The following FOXP2 variants were observed in gnomAD, a reference collection of about 807,000 sequenced individuals.
FOXP2 encodes the protein forkhead box protein P2.
A neutral mutation model predicts 115.8 loss-of-function variants in FOXP2; 12 were observed. The ratio of observed to expected loss-of-function variants is 0.10; its 90% CI spans 0.07 to 0.17. FOXP2 has a LOEUF of 0.17. Among genes scored for constraint, FOXP2 ranks in the 10% least tolerant of loss-of-function variants. The pLI, the probability that FOXP2 is intolerant of heterozygous loss-of-function variation, is 1.00. For synonymous variants in FOXP2, 328 were observed against 297.7 expected (o/e 1.10, Z -1.05); for missense variants, 629 against 843.5 (o/e 0.75, Z 3.15).
chr7:114,623,851 C>G (rs1051796512), intron 3 of FOXP2, among the ~76,000 whole-genome samples: 1 of 151,816 alleles, frequency 6.6e-6, no homozygotes, highest in Non-Finnish European at 1.5e-5. Context: ...TATATTATTT[C>G]TGTTGTTCCT....
chr7:114,553,382 T>G (rs1328899898), intron 3 of FOXP2, among the ~76,000 whole-genome samples: 1 of 152,186 alleles, frequency 6.6e-6, no homozygotes, highest in Non-Finnish European at 1.5e-5. Context: ...CTTGTAAAAA[T>G]AAAATTCTGA....
At chr7:114,587,354 C>T (rs938052386) in intron 3 of FOXP2, among the ~76,000 whole-genome samples, 1 of 151,954 alleles carries the variant, frequency 6.6e-6, no homozygotes, top group African/African-American at 2.4e-5. Context: ...TGTGTTCATG[C>T]GATGTTTGGT....
intron 1 of FOXP2, among the ~76,000 whole-genome samples, chr7:114,095,454 G>A (rs564138889): frequency 6.6e-6 from 1 of 151,590 alleles, no homozygotes; most frequent in Non-Finnish European, 1.5e-5. Context: ...ATTTTTAAAG[G>A]GTTTTTTTTT....
At chr7:114,477,506 G>A (rs1796330805) in intron 2 of FOXP2, among the ~76,000 whole-genome samples, 2 of 151,976 alleles carry the variant, frequency 1.3e-5, no homozygotes, top group Middle Eastern at 3.4e-3. Context: ...AGAAGGGAGG[G>A]AAGTGGGTGT....
intron 3 of FOXP2, among the ~76,000 whole-genome samples, chr7:114,608,398 G>A (rs562139022): frequency 1.2e-4 from 19 of 152,206 alleles, no homozygotes; most frequent in African/African-American, 3.9e-4. Flanking sequence ...AAAGGCTACC[G>A]TCTTCATAGG....
chr7:114,229,597 T>C (rs946413753), intron 1 of FOXP2, among the ~76,000 whole-genome samples: 28 of 151,076 alleles, frequency 1.9e-4, no homozygotes, highest in African/African-American at 6.8e-4. Context: ...AAAAGGAAAA[T>C]TGGAAAATTC....
intron 4 of FOXP2, 66 bp downstream of exon 4, chr7:114,628,743 G>T: frequency 6.3e-7 from 1 of 1,596,420 alleles, no homozygotes. Flanking sequence ...TTTTGAAAGT[G>T]CAGTGGGCAT....
intron 2 of FOXP2, chr7:114,297,209 G>T: frequency 2.1e-6 from 1 of 478,272 alleles, no homozygotes; most frequent in Non-Finnish European, 4.1e-6. Flanking sequence ...CCCTTTTCTC[G>T]ATGAAACTTG....
intron 1 of FOXP2, among the ~76,000 whole-genome samples, chr7:114,252,260 C>T (rs1417007836): frequency 3.3e-5 from 5 of 151,700 alleles, no homozygotes; most frequent in Admixed American, 1.3e-4. Context: ...TCTCTTTTTT[C>T]GTTGTGTGTC....
At chr7:114,303,718 C>A (rs573557383) in intron 2 of FOXP2, among the ~76,000 whole-genome samples, 3 of 152,190 alleles carry the variant, frequency 2.0e-5, no homozygotes, top group East Asian at 3.9e-4. Flanking sequence ...TTAATCTCAA[C>A]TTTTGGGGCA....
chr7:114,129,556 C>T (rs1791815437), intron 1 of FOXP2, among the ~76,000 whole-genome samples: 1 of 152,150 alleles, frequency 6.6e-6, no homozygotes, highest in Non-Finnish European at 1.5e-5. Flanking sequence ...ACTTTTACTA[C>T]TTAAATGTGT....
intron 2 of FOXP2, among the ~76,000 whole-genome samples, chr7:114,360,819 C>T (rs972023435): frequency 6.6e-6 from 1 of 152,096 alleles, no homozygotes; most frequent in Non-Finnish European, 1.5e-5. Context: ...TTCAATTATC[C>T]AAACTAATAA....
intron 2 of FOXP2, among the ~76,000 whole-genome samples, chr7:114,373,196 A>G (rs915560680): frequency 2.6e-5 from 4 of 151,802 alleles, no homozygotes; most frequent in Admixed American, 2.6e-4. Context: ...TTTGTTTTGT[A>G]TTTTTAGTAG....
chr7:114,287,076 A>G (rs1247396269), intron 1 of FOXP2, among the ~76,000 whole-genome samples: 1 of 151,970 alleles, frequency 6.6e-6, no homozygotes, highest in Non-Finnish European at 1.5e-5. Context: ...TACTCTCCAT[A>G]CAGCTCTCCA....
At chr7:114,141,729 T>C (rs1792214996) in intron 1 of FOXP2, among the ~76,000 whole-genome samples, 2 of 152,180 alleles carry the variant, frequency 1.3e-5, no homozygotes, top group African/African-American at 4.8e-5. Flanking sequence ...ACCACAGCAG[T>C]AGTGGCTGCA....
At chr7:114,511,037 GCATTCATGT>G (rs1798042630) in intron 2 of FOXP2, among the ~76,000 whole-genome samples, 1 of 152,182 alleles carries the variant, frequency 6.6e-6, no homozygotes, top group Non-Finnish European at 1.5e-5. Flanking sequence ...GAAAAAGGAT[GCATTCATGT>G]TCTTTGCAGG....
intron 1 of FOXP2, among the ~76,000 whole-genome samples, chr7:114,419,044 T>C (rs1793478160): frequency 6.6e-6 from 1 of 151,944 alleles, no homozygotes; most frequent in Non-Finnish European, 1.5e-5. Flanking sequence ...TGGCTATATT[T>C]TTCCTGCATT....
intron 1 of FOXP2, among the ~76,000 whole-genome samples, chr7:114,170,434 T>C (rs1793107910): frequency 6.6e-6 from 1 of 152,176 alleles, no homozygotes; most frequent in Admixed American, 6.5e-5. Flanking sequence ...TCACTCACTT[T>C]AAATCAAAAG....
intron 1 of FOXP2, among the ~76,000 whole-genome samples, chr7:114,181,458 C>T (rs771693521): frequency 2.0e-5 from 3 of 151,882 alleles, no homozygotes; most frequent in Non-Finnish European, 4.4e-5. Context: ...AGTACCCCTT[C>T]CTTATATGGT....
Sources: gnomAD v4.1 joint callset for allele counts (sites outside exome capture counted in the v4.1 genomes callset) on GRCh38, gnomAD v4.1.1 for gene constraint, MANE v1.5 for transcripts, NCBI Gene and HGNC (gene_info 2026-07-23, HGNC 2026-07-21) for gene names.